Variants in AAK1 observed in about 807,000 individuals in gnomAD.
AAK1 encodes the protein AP2-associated protein kinase 1.
Under a neutral mutation model 116.0 loss-of-function variants are expected in AAK1, and 37 were observed. The ratio of observed to expected loss-of-function variants is 0.32; its 90% confidence interval spans 0.25 to 0.42. The LOEUF is 0.42. AAK1 is among the 10% of genes least tolerant of loss of function. The pLI is 1.00. For synonymous variants in AAK1, 458 were observed against 439.9 expected (o/e 1.04, Z -0.51); for missense variants, 919 against 1,170.6 (o/e 0.79, Z 3.14).
chr2:69,574,357 G>A (rs1231395467), intron 2 of AAK1, among the ~76,000 whole-genome samples: 1 of 130,070 alleles, frequency 7.7e-6, no homozygotes, highest in African/African-American at 3.0e-5. Flanking sequence ...CAGACTAGGT[G>A]ACAGAGTAAG....
chr2:69,628,394 TA>T (rs762857175), intron 2 of AAK1, among the ~76,000 whole-genome samples: 21 of 152,026 alleles, frequency 1.4e-4, no homozygotes, highest in Non-Finnish European at 5.9e-5. Flanking sequence ...CCACAGAACT[TA>T]AAAACCATGT....
chr2:69,518,967 G>A lies in AAK1; in HGVS notation c.1484C>T (p.Ala495Val). ...PAGTFYQQQQAQTQQFQAVHP... is the reference protein window; with the variant it reads ...PAGTFYQQQQVQTQQFQAVHP... ...TGACCACCTTACCTGCTGAGTCTGG[G>A]CCTGCTGCTGCTGGTAAAACGTGCC... is the stretch of plus-strand genomic sequence containing the variant. Residue 495 changes from alanine (A) to valine (V), a missense_variant, in exon 12 of 22, where the codon GCC becomes GTC. Coordinates refer to ENST00000409085, the MANE Select transcript of AAK1 (RefSeq NM_014911.5). The A allele has an allele frequency of 6.5e-7, 1 of 1,547,608 alleles. No individual in the cohort carries two copies. Among genetic ancestry groups the A allele is most frequent in the Non-Finnish European group, 8.7e-7 (1 of 1,145,686 alleles).
At chr2:69,535,036 G>A (rs1364053030) in intron 5 of AAK1, among the ~76,000 whole-genome samples, 4 of 152,194 alleles carry the variant, frequency 2.6e-5, no homozygotes, top group Non-Finnish European at 4.4e-5. Flanking sequence ...AAATGTTGCC[G>A]ATGAAATCAC....
intron 2 of AAK1, among the ~76,000 whole-genome samples, chr2:69,568,211 G>A (rs375664976): frequency 7.2e-5 from 11 of 152,236 alleles, no homozygotes; most frequent in African/African-American, 1.4e-4. Context: ...CTGAAGTTCC[G>A]GCTGACATTC....
chr2:69,500,687 A>G (rs1402496763), intron 16 of AAK1, among the ~76,000 whole-genome samples: 4 of 114,764 alleles, frequency 3.5e-5, no homozygotes, highest in African/African-American at 1.5e-4. Context: ...ATATATATAT[A>G]TATATATATA....
chr2:69,637,376 C>T (rs1194741740), intron 2 of AAK1, among the ~76,000 whole-genome samples: 2 of 152,162 alleles, frequency 1.3e-5, no homozygotes, highest in African/African-American at 4.8e-5. Context: ...GTCCTCAAGG[C>T]ACAGCCATGT....
intron 10 of AAK1, among the ~76,000 whole-genome samples, chr2:69,522,005 C>CTATCTATCTATCT (rs1669806744): frequency 6.6e-6 from 1 of 152,224 alleles, no homozygotes; most frequent in African/African-American, 2.4e-5. Flanking sequence ...ACGCAGCTGT[C>CTATCTATCTATCT]ACTTTGGACT....
intron 2 of AAK1, 117 bp from the exon 3 acceptor site, chr2:69,557,095 C>A: frequency 2.8e-6 from 2 of 716,428 alleles, no homozygotes; most frequent in Non-Finnish European, 2.5e-6. Flanking sequence ...CACTGCCAGC[C>A]AGCCTTTAGG....
chr2:69,609,777 C>T (rs534153447), intron 2 of AAK1, among the ~76,000 whole-genome samples: 76 of 152,120 alleles, frequency 5.0e-4, no homozygotes, highest in Admixed American at 9.8e-4. Context: ...GGGCCAGGTG[C>T]GGTGGCTCAC....
At chr2:69,506,800 C>T (rs959324553) in intron 15 of AAK1, among the ~76,000 whole-genome samples, 1 of 151,996 alleles carries the variant, frequency 6.6e-6, no homozygotes, top group Non-Finnish European at 1.5e-5. Flanking sequence ...TATTAGAGTA[C>T]TCTCTAACAT....
intron 6 of AAK1, chr2:69,531,664 A>G: frequency 1.0e-6 from 1 of 1,000,298 alleles, no homozygotes; most frequent in Non-Finnish European, 1.2e-6. Context: ...TTCAGTAAAA[A>G]GCACATCTGT....
intron 17 of AAK1, among the ~76,000 whole-genome samples, chr2:69,490,659 G>A (rs2104918404): frequency 6.6e-6 from 1 of 151,910 alleles, no homozygotes; most frequent in South Asian, 2.1e-4. Context: ...GGGCTGGGGG[G>A]AGGGGAAATA....
intron 5 of AAK1, among the ~76,000 whole-genome samples, chr2:69,537,293 C>T (rs1344052074): frequency 6.6e-6 from 1 of 152,232 alleles, no homozygotes; most frequent in Non-Finnish European, 1.5e-5. Context: ...TAGAACAGCA[C>T]TTCTGCTATG....
chr2:69,553,437 GTTTTTT>G (rs70954350), intron 3 of AAK1, among the ~76,000 whole-genome samples: 3 of 79,598 alleles, frequency 3.8e-5, no homozygotes, highest in African/African-American at 1.6e-4. Context: ...ATTGAAAGTT[GTTTTTT>G]TTTTTTTTTT....
chr2:69,635,130 G>A (rs1382279018), intron 2 of AAK1, among the ~76,000 whole-genome samples: 1 of 152,152 alleles, frequency 6.6e-6, no homozygotes, highest in Non-Finnish European at 1.5e-5. Context: ...ATTCAAAAAT[G>A]GGCAAAGGAC....
intron 3 of AAK1, 49 bp from the exon 4 acceptor site, chr2:69,544,593 G>C (rs370730342): frequency 1.6e-5 from 21 of 1,347,086 alleles, no homozygotes; most frequent in Non-Finnish European, 2.2e-5. Flanking sequence ...ATGCCAATAG[G>C]ACAGAATTAG....
At position 69,475,839 on chromosome 2, in the gene AAK1, T is replaced by C. The variant is rs1674835703; in HGVS notation, c.*30A>G. 6.3e-7 allele frequency: 1 copy of C among 1,599,928 alleles called. No homozygotes were observed. Among genetic ancestry groups the C allele is most frequent in the South Asian group, 1.1e-5 (1 of 88,528 alleles). The stretch of plus-strand genomic sequence containing the variant: ...AAAATGTATTTTACGGTATGAAGGT[T>C]ACAGAACTGCATCTGCTACTGGGTC... On this transcript the variant is annotated 3_prime_UTR_variant, in exon 22 of 22. Coordinates refer to ENST00000409085, the MANE Select transcript of AAK1 (RefSeq NM_014911.5).
chr2:69,478,810 G>T, intron 20 of AAK1, 141 bp downstream of exon 20: 1 of 667,142 alleles, frequency 1.5e-6, no homozygotes. Context: ...ACAGTATCTA[G>T]GAGATACTCA....
At chr2:69,483,715 T>C (rs923258000) in intron 17 of AAK1, among the ~76,000 whole-genome samples, 1 of 152,222 alleles carries the variant, frequency 6.6e-6, no homozygotes, top group Non-Finnish European at 1.5e-5. Context: ...TATGCACCTG[T>C]GACATGCTGG....
Sources: gnomAD v4.1 joint callset for allele counts (sites outside exome capture counted in the v4.1 genomes callset) on GRCh38, gnomAD v4.1.1 for gene constraint, MANE v1.5 for transcripts, NCBI Gene and HGNC (gene_info 2026-07-23, HGNC 2026-07-21) for gene names.